Variants in PCDHA2 observed in about 807,000 individuals in gnomAD.
PCDHA2 encodes protocadherin alpha-2.
PCDHA2 carries 58 observed loss-of-function variants against 66.0 expected under a neutral mutation model. The observed-to-expected ratio is 0.88, with a 90% CI of 0.71 to 1.09. The LOEUF (loss-of-function observed/expected upper bound fraction) is 1.09, where lower values mean the gene tolerates loss of function less well. Among genes scored for constraint, PCDHA2 ranks in the 50% least tolerant of loss-of-function variants. The pLI, the probability that PCDHA2 is intolerant of heterozygous loss-of-function variation, is 0.00. For synonymous variants in PCDHA2, 634 were observed against 554.0 expected, an observed-to-expected ratio of 1.14 and a Z score of -2.03; for missense variants, 1,267 against 1,242.3, an observed-to-expected ratio of 1.02 and a Z score of -0.30.
intron 1 of PCDHA2, chr5:140,881,393 A>G: frequency 1.0e-6 from 1 of 979,646 alleles, no homozygotes; most frequent in Non-Finnish European, 1.2e-6. Context: ...GGTAAGTTAA[A>G]TTCTATTAAA....
intron 1 of PCDHA2, chr5:140,967,804 A>G (rs1168632160): frequency 6.2e-7 from 1 of 1,614,090 alleles, no homozygotes; most frequent in Admixed American, 1.7e-5. Flanking sequence ...TGCCCATGGC[A>G]GGTCACTGCA....
Position 140,842,861 on chromosome 5 carries a change from A to G in PCDHA2, c.2388+45509A>G, listed in dbSNP as rs2150346552. Reference sequence around the variant, plus strand: ...GAGCTACATTTCGGTGCACACGGAGAGCGGCAAGGTGTACGCGCTGCAGCC... The same window carrying G: ...GAGCTACATTTCGGTGCACACGGAGGGCGGCAAGGTGTACGCGCTGCAGCC... On this transcript the variant is annotated intron_variant, in intron 1 of 3. Coordinates refer to ENST00000526136, the MANE Select transcript of PCDHA2 (RefSeq NM_018905.3). 2.6e-5 allele frequency: 42 copies of G among 1,593,576 alleles called. 3 individuals are homozygous for G. In the South Asian group the frequency reaches 4.4e-4, roughly 17 times the overall value.
chr5:140,857,186 G>A lies in PCDHA2; in HGVS notation c.2388+59834G>A, dbSNP rs782390373. On this transcript the variant is annotated intron_variant, in intron 1 of 3. Coordinates refer to ENST00000526136, the MANE Select transcript of PCDHA2 (RefSeq NM_018905.3). ...CAGCGTTTCTGACCATGATTCAGGA[G>A]CCAACGGACAGGTCACCTGCTCTCT... 5.0e-6 allele frequency: 8 copies of A among 1,598,548 alleles called. No individual in the cohort carries two copies. In the East Asian group the frequency reaches 1.8e-4, roughly 36 times the overall value.
chr5:140,993,446 TCTC>T (rs1262965335), intron 3 of PCDHA2, among the ~76,000 whole-genome samples: 4 of 146,376 alleles, frequency 2.7e-5, no homozygotes, highest in Non-Finnish European at 6.0e-5. Flanking sequence ...TCATTCCTGT[TCTC>T]CTTCTTTCTT....
intron 1 of PCDHA2, chr5:140,858,328 G>A (rs782462952): frequency 3.1e-6 from 5 of 1,596,534 alleles, no homozygotes; most frequent in East Asian, 2.2e-5. Context: ...GTTCTGGGGA[G>A]GGCCTGCCCA....
chr5:140,844,241 C>T (rs1267423212), intron 1 of PCDHA2, among the ~76,000 whole-genome samples: 3 of 149,082 alleles, frequency 2.0e-5, no homozygotes, highest in African/African-American at 7.4e-5. Flanking sequence ...TCACTATTGC[C>T]GTTTTAAGCA....
intron 1 of PCDHA2, chr5:140,870,953 C>A: frequency 1.2e-6 from 2 of 1,613,668 alleles, no homozygotes; most frequent in Non-Finnish European, 1.7e-6. Flanking sequence ...GCGGGCGGCT[C>A]GCGCATCCCG....
At chr5:140,831,922 C>T (rs186638851) in intron 1 of PCDHA2, among the ~76,000 whole-genome samples, 62 of 152,254 alleles carry the variant, frequency 4.1e-4, no homozygotes, top group Middle Eastern at 3.4e-3. Flanking sequence ...AAAAAATTTG[C>T]TACTAGTTTT....
At chr5:141,005,956 A>G (rs1272905916) in intron 3 of PCDHA2, among the ~76,000 whole-genome samples, 2 of 152,020 alleles carry the variant, frequency 1.3e-5, no homozygotes, top group Admixed American at 1.3e-4. Flanking sequence ...CTAACAAACA[A>G]CAATAAAAAA....
intron 3 of PCDHA2, among the ~76,000 whole-genome samples, chr5:140,998,792 G>A (rs747824792): frequency 6.6e-6 from 1 of 152,156 alleles, no homozygotes; most frequent in Non-Finnish European, 1.5e-5. Flanking sequence ...TGGAACCCCT[G>A]ACCTCAGGTG....
intron 1 of PCDHA2, chr5:140,928,174 C>T (rs2085016971): frequency 1.9e-6 from 3 of 1,614,060 alleles, no homozygotes; most frequent in African/African-American, 1.3e-5. Flanking sequence ...ACTTAGCACC[C>T]GAAGGACAAT....
intron 1 of PCDHA2, chr5:140,882,711 C>A: frequency 6.2e-7 from 1 of 1,614,160 alleles, no homozygotes; most frequent in Non-Finnish European, 8.5e-7. Flanking sequence ...TCTAGACCTC[C>A]GGAAACTCGA....
At chr5:140,969,552 T>A in intron 1 of PCDHA2, 1 of 1,234,382 alleles carries the variant, frequency 8.1e-7, no homozygotes, top group Non-Finnish European at 1.1e-6. Flanking sequence ...CATGAAGCCT[T>A]GTCCATAAAA....
rs782251882 is a variant in PCDHA2 at position 140,869,140 on chromosome 5, C to T, written c.2388+71788C>T. 4 of 1,613,188 alleles carry T rather than the reference C, an allele frequency of 2.5e-6. No homozygotes were observed. In the South Asian group the frequency reaches 3.3e-5, roughly 13 times the overall value. On this transcript the variant is annotated intron_variant, in intron 1 of 3. Coordinates refer to ENST00000526136, the MANE Select transcript of PCDHA2 (RefSeq NM_018905.3). ...TCAGAGAAGGGGATTGGGCACCCCA[C>T]GACTACAGCTCTGGCTTCTCCTCCT...
At chr5:140,882,989 G>C (rs567590369) in intron 1 of PCDHA2, 2 of 1,614,130 alleles carry the variant, frequency 1.2e-6, no homozygotes, top group Non-Finnish European at 8.5e-7. Context: ...CAACGCCCCG[G>C]AATTTTACCA....
chr5:140,869,191 C>CA (rs1554162609), intron 1 of PCDHA2: 1 of 1,613,878 alleles, frequency 6.2e-7, no homozygotes, highest in East Asian at 2.2e-5. Flanking sequence ...GGGGAGCGGC[C>CA]AGCTCCACTA....
At chr5:140,921,244 A>G (rs1167584267) in intron 1 of PCDHA2, among the ~76,000 whole-genome samples, 1 of 152,180 alleles carries the variant, frequency 6.6e-6, no homozygotes, top group African/African-American at 2.4e-5. Flanking sequence ...TAAGCCACAG[A>G]TCAAAAAGTC....
chr5:140,835,609 T>C, intron 1 of PCDHA2: 2 of 1,613,962 alleles, frequency 1.2e-6, no homozygotes, highest in South Asian at 2.2e-5. Flanking sequence ...TCATTGGTGC[T>C]GGACAGCGCT....
At chr5:140,869,590 G>GAAGA in intron 1 of PCDHA2, 3 of 1,614,102 alleles carry the variant, frequency 1.9e-6, no homozygotes, top group Non-Finnish European at 2.5e-6. Context: ...TGCTGACATT[G>GAAGA]AAGAGAATGC....
Sources: allele counts gnomAD v4.1 joint callset (sites outside exome capture counted in the v4.1 genomes callset), GRCh38; gene constraint gnomAD v4.1.1; transcripts MANE v1.5; gene names NCBI Gene and HGNC (gene_info 2026-07-23, HGNC 2026-07-21).